The following XRN1 variants were observed in gnomAD, a reference collection of about 807,000 sequenced individuals.
XRN1 encodes the protein 5'-3' exoribonuclease 1, also known as strand-exchange protein 1 homolog.
In XRN1, 67 loss-of-function variants were observed where a neutral mutation model predicts 222.3. That is an observed-to-expected ratio of 0.30 (90% CI 0.25 to 0.37). The LOEUF (loss-of-function observed/expected upper bound fraction) is 0.37, where lower values mean the gene tolerates loss of function less well. XRN1 is among the 10% of genes least tolerant of loss of function. The probability of loss-of-function intolerance (pLI) is 1.00; values close to 1 mark genes in which losing one functional copy is unlikely to be tolerated. For synonymous variants in XRN1, 643 were observed against 652.4 expected (o/e 0.99, Z 0.22); for missense variants, 1,707 against 2,000.2 (o/e 0.85, Z 2.80).
intron 1 of XRN1, among the ~76,000 whole-genome samples, chr3:142,439,750 T>TAA (rs71153966): frequency 2.9e-4 from 42 of 147,216 alleles, no homozygotes; most frequent in South Asian, 8.6e-4. Context: ...CAAACGGGAT[T>TAA]AAAAAAAAAA....
chr3:142,336,533 A>G (rs2065857177), intron 33 of XRN1, among the ~76,000 whole-genome samples: 1 of 150,700 alleles, frequency 6.6e-6, no homozygotes, highest in Non-Finnish European at 1.5e-5. Context: ...TGAGGAGGGC[A>G]TGGGAGGAGG....
At chr3:142,415,154 G>A (rs961795597) in intron 13 of XRN1, among the ~76,000 whole-genome samples, 10 of 152,122 alleles carry the variant, frequency 6.6e-5, no homozygotes, top group African/African-American at 1.9e-4. Flanking sequence ...ACCATGTATC[G>A]ATCACATACA....
chr3:142,313,663 A>G (rs2065133953), intron 39 of XRN1, among the ~76,000 whole-genome samples: 2 of 152,256 alleles, frequency 1.3e-5, no homozygotes, highest in African/African-American at 4.8e-5. Flanking sequence ...GAATCATAAT[A>G]TATTTCAGTG....
intron 30 of XRN1, among the ~76,000 whole-genome samples, chr3:142,358,197 T>A (rs527357247): frequency 6.6e-6 from 1 of 152,212 alleles, no homozygotes; most frequent in Non-Finnish European, 1.5e-5. Context: ...CATTTGTCTA[T>A]CGGTCAAATG....
intron 32 of XRN1, 150 bp downstream of exon 32, chr3:142,355,250 AT>A (rs1225519899): frequency 4.9e-6 from 2 of 409,454 alleles, no homozygotes; most frequent in Non-Finnish European, 8.1e-6. Context: ...AGTTGAAATT[AT>A]TTAAAAAAAG....
chr3:142,319,852 T>A (rs2065302795), intron 37 of XRN1, among the ~76,000 whole-genome samples: 2 of 152,286 alleles, frequency 1.3e-5, no homozygotes, highest in Middle Eastern at 6.8e-3. Flanking sequence ...ATTCTTTTTA[T>A]GGCTGGATAA....
chr3:142,313,216 AC>A (rs1560277352), intron 39 of XRN1: 1 of 1,589,882 alleles, frequency 6.3e-7, no homozygotes, highest in Non-Finnish European at 8.6e-7. Context: ...AAATCTCATC[AC>A]CTTCATATGA....
At chr3:142,443,647 C>T (rs2070357377) in intron 1 of XRN1, among the ~76,000 whole-genome samples, 1 of 152,204 alleles carries the variant, frequency 6.6e-6, no homozygotes, top group Non-Finnish European at 1.5e-5. Context: ...TTAAATCTTG[C>T]AACTGCAAAA....
chr3:142,397,580 C>A (rs923314519), intron 19 of XRN1, 120 bp from the exon 20 acceptor site: 1 of 654,014 alleles, frequency 1.5e-6, no homozygotes, highest in Non-Finnish European at 2.2e-6. Context: ...AAAAACCCCA[C>A]AACTGTAATG....
At chr3:142,361,891 G>A (rs938002538) in intron 29 of XRN1, among the ~76,000 whole-genome samples, 1 of 124,038 alleles carries the variant, frequency 8.1e-6, no homozygotes, top group African/African-American at 2.9e-5. Context: ...CTTTTGAAGA[G>A]AGTTTTTTTT....
rs1447189461 is a variant in XRN1, at chr3:142,335,571, C to T, written c.3878-62G>A. On this transcript the variant is annotated intron_variant, in intron 33 of 40. Coordinates refer to ENST00000392981, the MANE Select transcript of XRN1 (RefSeq NM_001282857.2). Reference sequence around the variant, plus strand: ...GTGTTTACTGCACAATTAAAACTACCAAATATTTATAATAGCAAGGCACTG... The same window carrying T: ...GTGTTTACTGCACAATTAAAACTACTAAATATTTATAATAGCAAGGCACTG... The T allele has an allele frequency of 2.1e-5, 30 of 1,398,560 alleles. No individual in the cohort carries two copies. The East Asian group carries it at 6.9e-4, about 32-fold the overall frequency. 86.6% of individuals were successfully genotyped at this position (1,398,560 alleles called of 1,614,324 possible). A position where few individuals can be genotyped will look rare whatever the true frequency, so the allele number is the denominator to read the frequency against.
chr3:142,397,567 G>T, intron 19 of XRN1, 107 bp from the exon 20 acceptor site: 1 of 814,796 alleles, frequency 1.2e-6, no homozygotes, highest in Non-Finnish European at 1.7e-6. Context: ...TGGTATACTA[G>T]CAAAAAACCC....
chr3:142,410,487 GTTTTTTTTTTTTTT>G (rs751870329), intron 15 of XRN1, among the ~76,000 whole-genome samples: 1 of 68,072 alleles, frequency 1.5e-5, no homozygotes, highest in South Asian at 6.2e-4. Context: ...TCTATCTCAT[GTTTTTTTTTTTTTT>G]TTTTTTTTTT....
intron 32 of XRN1, among the ~76,000 whole-genome samples, chr3:142,350,708 A>C (rs535944117): frequency 4.5e-4 from 68 of 152,302 alleles, no homozygotes; most frequent in Non-Finnish European, 7.4e-4. Flanking sequence ...AATTCTAGAC[A>C]TATTTGAAAG....
At chr3:142,351,229 C>T (rs2066295981) in intron 32 of XRN1, among the ~76,000 whole-genome samples, 1 of 151,968 alleles carries the variant, frequency 6.6e-6, no homozygotes, top group Admixed American at 6.6e-5. Flanking sequence ...TAGAGGATTC[C>T]ATCTTTAAAG....
At chr3:142,325,682 C>T (rs2065495768) in intron 37 of XRN1, among the ~76,000 whole-genome samples, 1 of 151,986 alleles carries the variant, frequency 6.6e-6, no homozygotes, top group Non-Finnish European at 1.5e-5. Context: ...TGATGTGATA[C>T]CGTTTATGCA....
intron 32 of XRN1, among the ~76,000 whole-genome samples, chr3:142,352,571 C>T (rs1287439755): frequency 1.3e-5 from 2 of 152,104 alleles, no homozygotes; most frequent in African/African-American, 2.4e-5. Flanking sequence ...GATAATGCCA[C>T]CATTACTGCA....
chr3:142,316,530 C>T (rs1008730056), intron 39 of XRN1, among the ~76,000 whole-genome samples: 1 of 152,112 alleles, frequency 6.6e-6, no homozygotes, highest in Non-Finnish European at 1.5e-5. Context: ...GCTGCTTAGT[C>T]TTCTCTATAC....
intron 2 of XRN1, 127 bp from the exon 3 acceptor site, chr3:142,426,968 C>G (rs967852875): frequency 7.6e-6 from 5 of 658,062 alleles, no homozygotes; most frequent in African/African-American, 7.4e-5. Flanking sequence ...TCAAAACATA[C>G]AAGTTTTGAA....
Sources: gnomAD v4.1 joint callset for allele counts (sites outside exome capture counted in the v4.1 genomes callset) on GRCh38, gnomAD v4.1.1 for gene constraint, MANE v1.5 for transcripts, NCBI Gene and HGNC (gene_info 2026-07-23, HGNC 2026-07-21) for gene names.